The following BCL7A variants were observed in gnomAD, a reference collection of about 807,000 sequenced individuals.
BCL7A encodes the protein BAF chromatin remodeling complex subunit BCL7A, also known as B-cell CLL/lymphoma 7 protein family member A.
In BCL7A, 11 loss-of-function variants were observed where a neutral mutation model predicts 28.4. The observed-to-expected ratio is 0.39, with a 90% confidence interval of 0.24 to 0.64. BCL7A has a LOEUF of 0.64. BCL7A is among the 30% of genes least tolerant of loss of function. BCL7A has a pLI of 0.50. For synonymous variants in BCL7A, 123 were observed against 103.3 expected, an observed-to-expected ratio of 1.19 and a Z score of -1.15; for missense variants, 222 against 274.8, an observed-to-expected ratio of 0.81 and a Z score of 1.36.
At chr12:122,053,052 G>C (rs534463685) in intron 4 of BCL7A, among the ~76,000 whole-genome samples, 4 of 151,946 alleles carry the variant, frequency 2.6e-5, no homozygotes, top group African/African-American at 9.7e-5. Flanking sequence ...CTGGAGTGCC[G>C]TGGCATGATC....
chr12:122,035,135 C>G (rs1409023272), intron 2 of BCL7A, among the ~76,000 whole-genome samples, 196 bp from the exon 3 acceptor site: 2 of 152,162 alleles, frequency 1.3e-5, no homozygotes, highest in Non-Finnish European at 2.9e-5. Context: ...CTCTCTGATT[C>G]CACAGTGGGC....
chr12:122,036,885 T>C (rs1883867442), intron 3 of BCL7A, among the ~76,000 whole-genome samples: 1 of 152,144 alleles, frequency 6.6e-6, no homozygotes, highest in African/African-American at 2.4e-5. Context: ...TTTTTTTGTA[T>C]TTTAGTAGAT....
At chr12:122,030,123 G>T (rs923930373) in intron 1 of BCL7A, among the ~76,000 whole-genome samples, 1 of 152,172 alleles carries the variant, frequency 6.6e-6, no homozygotes, top group African/African-American at 2.4e-5. Context: ...TTCAGGCTGT[G>T]TAACCTCCTT....
In BCL7A at chr12:122,059,189, T is replaced by A. The variant is rs1183156847; in HGVS notation, c.*26T>A. ...ACGATGCTTTAAAGCCTCCGATCCA[T>A]GTTCCATGGAAGGTACATCAGCAAT... On this transcript the variant is annotated 3_prime_UTR_variant, in exon 6 of 6. Transcript: ENST00000261822. The surrounding 1 kb of genome is among the most constrained non-coding windows in gnomAD (Gnocchi z 4.0). 5.7e-6 allele frequency: 9 copies of A among 1,589,358 alleles called. No homozygotes were observed. The highest frequency in any genetic ancestry group is 6.9e-6 in the Non-Finnish European group (8 of 1,157,666).
Position 122,059,001 on chromosome 12 carries a change from T to G in BCL7A, c.562-91T>G. ...GAACCACAAAGCCGCCCCCGCTCGGTTCCTTCCTTGGCTGACCTTCGGCCT... is the reference window on the plus strand; with the variant it reads ...GAACCACAAAGCCGCCCCCGCTCGGGTCCTTCCTTGGCTGACCTTCGGCCT... On this transcript the variant is annotated intron_variant, in intron 5 of 5. Coordinates refer to ENST00000261822, the MANE Select transcript of BCL7A (RefSeq NM_001024808.3). The surrounding 1 kb of genome is among the most constrained non-coding windows in gnomAD (Gnocchi z 4.0). 7.7e-6 allele frequency: 9 copies of G among 1,165,032 alleles called. No homozygotes were observed. The Admixed American group carries it at 1.5e-4, about 19-fold the overall frequency. The allele number at this position is 1,165,032 out of a possible 1,614,324, so 72.2% of individuals were successfully genotyped here.
rs1223890934 is a variant in BCL7A at position 122,061,331 on chromosome 12, C to T, written c.*2168C>T. 8.7e-6 allele frequency: 2 copies of T among 230,878 alleles called. No homozygotes were observed. Among genetic ancestry groups the T allele is most frequent in the Non-Finnish European group, 1.7e-5 (2 of 116,636 alleles). The allele number at this position is 230,878 out of a possible 1,614,324, so 14.3% of individuals were successfully genotyped here. A position where few individuals can be genotyped will look rare whatever the true frequency, so the allele number is the denominator to read the frequency against. On this transcript the variant is annotated 3_prime_UTR_variant, in exon 6 of 6. Coordinates refer to ENST00000261822, the MANE Select transcript of BCL7A (RefSeq NM_001024808.3). ...GAGTTGGCGCAGGTGAGGACTCAGA[C>T]GACGTCCACCGTCCCAAGGCTGTCA...
chr12:122,061,834 G>C lies in BCL7A; in HGVS notation c.*2671G>C, dbSNP rs962627975. The C allele has an allele frequency of 8.8e-6, 2 of 226,678 alleles. No homozygotes were observed. Among genetic ancestry groups the C allele is most frequent in the African/African-American group, 4.5e-5 (2 of 44,870 alleles). 14.0% of individuals were successfully genotyped at this position (226,678 alleles called of 1,614,324 possible). A position where few individuals can be genotyped will look rare whatever the true frequency, so the allele number is the denominator to read the frequency against. On this transcript the variant is annotated 3_prime_UTR_variant, in exon 6 of 6. Coordinates refer to ENST00000261822, the MANE Select transcript of BCL7A (RefSeq NM_001024808.3). ...ACCTCCCATTAGCAAACGGTGTCAT[G>C]GTTTGGAATGTTCATTATCGCCAAG... is the stretch of plus-strand genomic sequence containing the variant.
chr12:122,034,367 T>C (rs921148688), intron 2 of BCL7A, among the ~76,000 whole-genome samples: 1 of 148,708 alleles, frequency 6.7e-6, no homozygotes, highest in Non-Finnish European at 1.5e-5. Context: ...TGTACCACGA[T>C]TGATTTAACG....
At chr12:122,055,519 C>T (rs990411041) in intron 5 of BCL7A, among the ~76,000 whole-genome samples, 2 of 152,140 alleles carry the variant, frequency 1.3e-5, no homozygotes, top group South Asian at 2.1e-4. Context: ...CGTGAGGATT[C>T]GATGGGAGAA....
intron 5 of BCL7A, among the ~76,000 whole-genome samples, chr12:122,056,373 G>A (rs1048133546): frequency 6.6e-6 from 1 of 151,896 alleles, no homozygotes; most frequent in Non-Finnish European, 1.5e-5. Flanking sequence ...CTTGCTTCCA[G>A]GAGACCCAGA....
At chr12:122,035,525 C>T (rs1883833110) in intron 3 of BCL7A, 98 bp downstream of exon 3, 1 of 1,142,574 alleles carries the variant, frequency 8.8e-7, no homozygotes, top group African/African-American at 1.5e-5. Context: ...TGTTCACATT[C>T]CAGGCAAGGG....
At chr12:122,039,468 A>G (rs1883924064) in intron 3 of BCL7A, among the ~76,000 whole-genome samples, 1 of 140,848 alleles carries the variant, frequency 7.1e-6, no homozygotes, top group Non-Finnish European at 1.5e-5. Flanking sequence ...TCTGGGCAAC[A>G]GAGCAAGACC....
At chr12:122,052,180 T>C (rs1247723984) in intron 4 of BCL7A, among the ~76,000 whole-genome samples, 2 of 151,930 alleles carry the variant, frequency 1.3e-5, no homozygotes, top group African/African-American at 4.8e-5. Context: ...TGGCCTGGCC[T>C]GGCCCCTCTC....
At chr12:122,044,226 A>T in intron 4 of BCL7A, 173 bp downstream of exon 4, 1 of 749,962 alleles carries the variant, frequency 1.3e-6, no homozygotes, top group Non-Finnish European at 2.1e-6. Flanking sequence ...AAAATCAGAC[A>T]GGCCAGGTGC....
intron 3 of BCL7A, among the ~76,000 whole-genome samples, chr12:122,035,743 A>G (rs968152620): frequency 6.6e-6 from 1 of 152,142 alleles, no homozygotes; most frequent in African/African-American, 2.4e-5. Context: ...GTTTGGGCGT[A>G]TGTTTCTTCG....
intron 2 of BCL7A, among the ~76,000 whole-genome samples, chr12:122,033,687 C>T (rs529256950): frequency 6.6e-6 from 1 of 151,836 alleles, no homozygotes; most frequent in South Asian, 2.1e-4. Context: ...AAACTCCTGG[C>T]CCCAAGCCAT....
Position 122,054,870 on chromosome 12 carries a change from G to C in BCL7A, c.505G>C (p.Asp169His). 6.2e-7 allele frequency: 1 copy of C among 1,614,222 alleles called. No individual in the cohort carries two copies. The highest frequency in any genetic ancestry group is 8.5e-7 in the Non-Finnish European group (1 of 1,180,050). ...TTCGATGAACAGCTCAGAGAAAGTAGATCGGCAGCCGTCTGGAGACTCGGG... is the reference window on the plus strand; with the variant it reads ...TTCGATGAACAGCTCAGAGAAAGTACATCGGCAGCCGTCTGGAGACTCGGG... ...EHSMNSSEKV[D>H]RQPSGDSGLA... Residue 169 changes from aspartate (D) to histidine (H), a missense_variant, in exon 5 of 6, where the codon GAT becomes CAT. Asp to His is a moderately conservative substitution (Grantham distance 81). This residue lies in a region of BCL7A where 155 missense variants were observed against 145.7 expected (regional missense o/e 1.06). Coordinates refer to ENST00000261822, the MANE Select transcript of BCL7A (RefSeq NM_001024808.3).
At chr12:122,036,063 A>C (rs1883844989) in intron 3 of BCL7A, among the ~76,000 whole-genome samples, 1 of 150,936 alleles carries the variant, frequency 6.6e-6, no homozygotes, top group Non-Finnish European at 1.5e-5. Context: ...CTGGTCTCAA[A>C]CTCCTCGCCT....
rs1438584193 is a variant in BCL7A at position 122,029,360 on chromosome 12, C to A, written c.93-1340C>A. On this transcript the variant is annotated intron_variant, in intron 1 of 5. Coordinates refer to ENST00000261822, the MANE Select transcript of BCL7A (RefSeq NM_001024808.3). The surrounding 1 kb of genome is among the most constrained non-coding windows in gnomAD (Gnocchi z 4.3). ...TTGAGTATGCTCCGTCATCCCGCAA[C>A]CCCCGTGGTGACAGGGTGGGAGTCC... 6.6e-6 allele frequency among the ~76,000 whole-genome samples: 1 copy of A among 152,080 alleles called. No homozygotes were observed. Among genetic ancestry groups the A allele is most frequent in the Non-Finnish European group, 1.5e-5 (1 of 68,028 alleles).
Sources: allele counts gnomAD v4.1 joint callset (sites outside exome capture counted in the v4.1 genomes callset), GRCh38; gene constraint gnomAD v4.1.1; regional missense constraint gnomAD v4.1.1; non-coding constraint Gnocchi (gnomAD v3.1); transcripts MANE v1.5; gene names NCBI Gene and HGNC (gene_info 2026-07-23, HGNC 2026-07-21).